DOT1L: variants seen among roughly 807,000 people sequenced by gnomAD.
The protein encoded by DOT1L is DOT1 like histone lysine methyltransferase.
Under a neutral mutation model 153.3 loss-of-function variants are expected in DOT1L, and 33 were observed. That is an observed-to-expected ratio of 0.22 (90% CI 0.16 to 0.29). The LOEUF (loss-of-function observed/expected upper bound fraction) is 0.29, where lower values mean the gene tolerates loss of function less well. DOT1L is among the 10% of genes least tolerant of loss of function. The pLI, the probability that DOT1L is intolerant of heterozygous loss-of-function variation, is 1.00. For missense variants in DOT1L, 1,847 were observed against 2,119.9 expected (o/e 0.87, Z 2.53); for synonymous variants, 1,135 against 965.1 (o/e 1.18, Z -3.26).
chr19:2,226,250 C>A lies in DOT1L; in HGVS notation c.3729C>A (p.Ser1243=), dbSNP rs769004821. Reference sequence around the variant, plus strand: ...CAGTCAATAGCAGCAAGTGGAAGTCCACCTTCTCGCCCATCTCCGACATCG... The same window carrying A: ...CAGTCAATAGCAGCAAGTGGAAGTCAACCTTCTCGCCCATCTCCGACATCG... ...GEPVNSSKWK[S]TFSPISDIGL... is the part of the protein sequence containing the mutation. Residue 1243 remains serine (S), a synonymous_variant, in exon 27 of 28, where the codon TCC becomes TCA. Coordinates refer to ENST00000398665, the MANE Select transcript of DOT1L (RefSeq NM_032482.3). The A allele has an allele frequency of 6.4e-7, 1 of 1,569,382 alleles. No homozygotes were observed. The highest frequency in any genetic ancestry group is 8.6e-7 in the Non-Finnish European group (1 of 1,156,208).
At chr19:2,206,905 C>A (rs1284499396) in intron 10 of DOT1L, 108 bp downstream of exon 10, 4 of 1,172,902 alleles carry the variant, frequency 3.4e-6, no homozygotes, top group East Asian at 2.5e-5. Flanking sequence ...GGGGCTGGAT[C>A]CTTCTGTGGG....
At chr19:2,176,643 A>AG (rs1169677222) in intron 1 of DOT1L, among the ~76,000 whole-genome samples, 1 of 152,272 alleles carries the variant, frequency 6.6e-6, no homozygotes, top group East Asian at 1.9e-4. Context: ...AATCCTAGGA[A>AG]GGGGGACTTG....
chr19:2,220,009 C>G lies in DOT1L; in HGVS notation c.2692-99C>G. The G allele has an allele frequency of 1.7e-6, 2 of 1,166,970 alleles. No individual in the cohort carries two copies. The highest frequency in any genetic ancestry group is 2.4e-6 in the Non-Finnish European group (2 of 830,982). 72.3% of individuals were successfully genotyped at this position (1,166,970 alleles called of 1,614,324 possible). On this transcript the variant is annotated intron_variant, in intron 22 of 27. Transcript: ENST00000398665. This position sits in a 1 kb window ranked among gnomAD's most constrained non-coding sequence, Gnocchi z 4.5. ...CTGGACGGTGACCCCGGCGGCCTCC[C>G]CCAGCCAGCTGCAGGCCTCAACACT...
At chr19:2,214,297 G>T in intron 18 of DOT1L, 174 bp from the exon 19 acceptor site, 1 of 1,168,562 alleles carries the variant, frequency 8.6e-7, no homozygotes, top group Non-Finnish European at 1.2e-6. Flanking sequence ...GTCCGTGGGG[G>T]GCCCCAGTCT....
rs769061575 is a variant in DOT1L, at chr19:2,222,431, C to T, written c.3262C>T (p.Arg1088Trp). 14 of 1,609,414 alleles carry T rather than the reference C, an allele frequency of 8.7e-6. No individual in the cohort carries two copies. The highest frequency in any genetic ancestry group is 3.3e-5 in the South Asian group (3 of 90,896). Residue 1088 changes from arginine to tryptophan, a missense_variant, in exon 24 of 28, where the codon CGG becomes TGG. By Grantham distance (101) the Arg-to-Trp change is moderately radical. Around this residue, in one of 8 missense-constraint regions of DOT1L, gnomAD observed 934 missense variants for 825.3 expected, o/e 1.13. Transcript: ENST00000398665. This position sits in a 1 kb window ranked among gnomAD's most constrained non-coding sequence, Gnocchi z 6.5. ...SHGQDSRRRG[R>W]RKRASAGTPS... is the part of the protein sequence containing the mutation. ...CGGGCAGGACAGTCGCAGGCGCGGCCGGCGGAAGCGAGCATCTGCGGGGAC... is the reference window on the plus strand; with the variant it reads ...CGGGCAGGACAGTCGCAGGCGCGGCTGGCGGAAGCGAGCATCTGCGGGGAC...
rs774489596 is a variant in DOT1L, at chr19:2,213,660, A to G, written c.1659+20A>G. 1.2e-6 allele frequency: 2 copies of G among 1,612,778 alleles called. No individual in the cohort carries two copies. The highest frequency in any genetic ancestry group is 1.7e-6 in the Non-Finnish European group (2 of 1,179,394). Reference sequence around the variant, plus strand: ...GATGAGGTAGTGGACCCCAGAGGGCAGGTGGCAGGTGGCAGCTGGGGCGCA... The same window carrying G: ...GATGAGGTAGTGGACCCCAGAGGGCGGGTGGCAGGTGGCAGCTGGGGCGCA... On this transcript the variant is annotated intron_variant, in intron 17 of 27. Transcript: ENST00000398665.
rs1257988420 is a variant in DOT1L at position 2,191,785 on chromosome 19, G to A, written c.493+545G>A. On this transcript the variant is annotated intron_variant, in intron 5 of 27. Transcript: ENST00000398665. The surrounding 1 kb of genome is among the most constrained non-coding windows in gnomAD (Gnocchi z 6.8). ...CTGGGCCGTGCCCTGCCCCTCCCAG[G>A]TTGGGGCTCCCACCTGCTGGCATTC... Among the ~76,000 whole-genome samples the A allele has an allele frequency of 6.6e-6, 1 of 152,138 alleles. No individual in the cohort carries two copies. The highest frequency in any genetic ancestry group is 1.5e-5 in the Non-Finnish European group (1 of 68,018).
At chr19:2,164,295 C>T (rs922135828) in intron 1 of DOT1L, 30 bp downstream of exon 1, 2 of 1,237,984 alleles carry the variant, frequency 1.6e-6, no homozygotes, top group Admixed American at 4.1e-5. Flanking sequence ...GTCCCTACCT[C>T]CCGGCCTCCC....
chr19:2,168,491 C>T (rs1019684431), intron 1 of DOT1L, among the ~76,000 whole-genome samples: 4 of 152,200 alleles, frequency 2.6e-5, no homozygotes, highest in Non-Finnish European at 5.9e-5. Flanking sequence ...CAACTGTCCA[C>T]GCTCGGAAAT....
chr19:2,226,833 C>T lies in DOT1L; in HGVS notation c.4312C>T (p.Leu1438Phe). Reference protein sequence around the residue: ...ISAAAVPPGSLLSGPGLAPAA... With the variant: ...ISAAAVPPGSFLSGPGLAPAA... ...TGCGGCGGCCGTGCCTCCCGGAAGC[C>T]TCCTCAGCGGCCCCGGCCTGGCCCC... The change falls in exon 27 of 28, where the codon CTC (leucine) becomes TTC (phenylalanine). Residue 1438 changes from leucine (L) to phenylalanine (F), a missense_variant. Around this residue, in one of 8 missense-constraint regions of DOT1L, gnomAD observed 934 missense variants for 825.3 expected, o/e 1.13. Coordinates refer to ENST00000398665, the MANE Select transcript of DOT1L (RefSeq NM_032482.3). 4 of 1,580,994 alleles carry T rather than the reference C, an allele frequency of 2.5e-6. No homozygotes were observed. The highest frequency in any genetic ancestry group is 2.3e-5 in the East Asian group (1 of 43,212).
intron 1 of DOT1L, among the ~76,000 whole-genome samples, chr19:2,170,868 C>T (rs980660615): frequency 1.3e-5 from 2 of 152,090 alleles, no homozygotes; most frequent in Admixed American, 6.6e-5. Flanking sequence ...AGGAGTCTCC[C>T]GGAACGTGTG....
intron 27 of DOT1L, 87 bp downstream of exon 27, chr19:2,227,214 CA>C: frequency 6.6e-7 from 1 of 1,521,556 alleles, no homozygotes; most frequent in Non-Finnish European, 9.0e-7. Flanking sequence ...CACTCTCTTG[CA>C]GCAGGAGCTG....
At chr19:2,189,868 A>T (rs1488182877) in intron 4 of DOT1L, 73 bp downstream of exon 4, 2 of 1,526,764 alleles carry the variant, frequency 1.3e-6, no homozygotes, top group South Asian at 2.2e-5. Flanking sequence ...CCCTTATGTC[A>T]CCGCCTCGGG....
At chr19:2,229,648 A>G (rs1599634390) in intron 27 of DOT1L, 137 bp from the exon 28 acceptor site, 2 of 1,590,854 alleles carry the variant, frequency 1.3e-6, no homozygotes, top group Non-Finnish European at 1.7e-6. Flanking sequence ...AGGAGCTGGC[A>G]CTATGCCTGT....
At chr19:2,169,286 C>T (rs2020040226) in intron 1 of DOT1L, among the ~76,000 whole-genome samples, 1 of 152,080 alleles carries the variant, frequency 6.6e-6, no homozygotes, top group African/African-American at 2.4e-5. Context: ...TCCCAGCTCC[C>T]CCGGAGGCAG....
At position 2,193,322 on chromosome 19, in the gene DOT1L, G is replaced by A. The variant is rs966520252; in HGVS notation, c.494-367G>A. ...TGCTGTGTGTCTGTGTGCTGGTGAC[G>A]TGGGGATAATTTGAGGTGGACGGCA... On this transcript the variant is annotated intron_variant, in intron 5 of 27. Coordinates refer to ENST00000398665, the MANE Select transcript of DOT1L (RefSeq NM_032482.3). This position sits in a 1 kb window ranked among gnomAD's most constrained non-coding sequence, Gnocchi z 5.9. Among the ~76,000 whole-genome samples, 4 of 152,154 alleles carry A rather than the reference G, an allele frequency of 2.6e-5. No homozygotes were observed. Among genetic ancestry groups the A allele is most frequent in the Admixed American group, 6.5e-5 (1 of 15,288 alleles).
chr19:2,178,792 C>A (rs185988576), intron 1 of DOT1L, among the ~76,000 whole-genome samples: 19 of 152,234 alleles, frequency 1.2e-4, no homozygotes, highest in African/African-American at 3.4e-4. Flanking sequence ...GTCTCTATCT[C>A]CTGACCTCGT....
intron 2 of DOT1L, among the ~76,000 whole-genome samples, chr19:2,182,532 A>C (rs78502792): frequency 1.3e-3 from 202 of 152,248 alleles, no homozygotes; most frequent in African/African-American, 4.6e-3. Context: ...CTCAAGAAAC[A>C]AAACCCAAAC....
chr19:2,199,316 G>A (rs1328752932), intron 7 of DOT1L, among the ~76,000 whole-genome samples: 1 of 152,208 alleles, frequency 6.6e-6, no homozygotes, highest in African/African-American at 2.4e-5. Flanking sequence ...GGGACTGGCG[G>A]CTCAGCTTCC....
Sources: gnomAD v4.1 joint callset for allele counts (sites outside exome capture counted in the v4.1 genomes callset) on GRCh38, gnomAD v4.1.1 for gene constraint, gnomAD v4.1.1 regional missense constraint, Gnocchi (gnomAD v3.1) non-coding constraint, MANE v1.5 for transcripts, NCBI Gene and HGNC (gene_info 2026-07-23, HGNC 2026-07-21) for gene names.